The following RAP1A variants were observed in gnomAD, a reference collection of about 807,000 sequenced individuals.
RAP1A encodes ras-related protein Rap-1A.
RAP1A carries 6 observed loss-of-function variants against 26.4 expected under a neutral mutation model. The ratio of observed to expected loss-of-function variants is 0.23; its 90% CI spans 0.12 to 0.45. RAP1A has a LOEUF of 0.45. Ranked by LOEUF, RAP1A falls within the 20% of genes least tolerant of loss-of-function variation. The pLI, the probability that RAP1A is intolerant of heterozygous loss-of-function variation, is 0.99. For missense variants in RAP1A, 121 were observed against 217.2 expected (o/e 0.56, Z 2.78); for synonymous variants, 73 against 79.4 (o/e 0.92, Z 0.43).
intron 1 of RAP1A, among the ~76,000 whole-genome samples, chr1:111,611,847 T>C (rs1411981964): frequency 6.6e-6 from 1 of 152,228 alleles, no homozygotes; most frequent in East Asian, 1.9e-4. Flanking sequence ...TCATGGAACA[T>C]ATTTTTACTA....
At chr1:111,659,637 A>G (rs932139011) in intron 1 of RAP1A, among the ~76,000 whole-genome samples, 18 of 151,968 alleles carry the variant, frequency 1.2e-4, no homozygotes, top group Non-Finnish European at 2.2e-4. Flanking sequence ...TTGGATTAAT[A>G]TATATCTACC....
intron 1 of RAP1A, chr1:111,627,508 G>A (rs1248651984): frequency 6.6e-6 from 1 of 151,884 alleles, no homozygotes; most frequent in Non-Finnish European, 1.5e-5. Context: ...ATCAGAGGGT[G>A]ATTACCCTGT....
chr1:111,544,432 T>C (rs1307965799), intron 1 of RAP1A, among the ~76,000 whole-genome samples: 1 of 152,222 alleles, frequency 6.6e-6, no homozygotes, highest in Non-Finnish European at 1.5e-5. Context: ...ATTTTGGACA[T>C]TTCTATAGAT....
intron 1 of RAP1A, among the ~76,000 whole-genome samples, chr1:111,659,103 C>G (rs914281673): frequency 2.0e-5 from 3 of 152,100 alleles, no homozygotes; most frequent in Non-Finnish European, 4.4e-5. Context: ...TTCTTCATCT[C>G]TTTACTTTTA....
At chr1:111,583,755 T>C (rs1658308695) in intron 1 of RAP1A, among the ~76,000 whole-genome samples, 1 of 152,006 alleles carries the variant, frequency 6.6e-6, no homozygotes, top group Non-Finnish European at 1.5e-5. Context: ...ACATTAACAG[T>C]AGATATTTTG....
At chr1:111,596,457 G>T (rs189624624) in intron 1 of RAP1A, among the ~76,000 whole-genome samples, 2 of 152,344 alleles carry the variant, frequency 1.3e-5, no homozygotes, top group Non-Finnish European at 2.9e-5. Context: ...TATAACGTAA[G>T]AGTCTGTTTT....
At chr1:111,625,318 GTTTTC>G (rs1659361684) in intron 1 of RAP1A, among the ~76,000 whole-genome samples, 1 of 151,276 alleles carries the variant, frequency 6.6e-6, no homozygotes. Flanking sequence ...TTTTTTAACT[GTTTTC>G]TTTTTTTTTT....
intron 1 of RAP1A, among the ~76,000 whole-genome samples, chr1:111,661,327 A>G (rs1322448934): frequency 6.6e-6 from 1 of 152,106 alleles, no homozygotes; most frequent in Non-Finnish European, 1.5e-5. Context: ...TTGGAGGGGG[A>G]AAAGATTGGA....
chr1:111,648,174 A>AGT lies in RAP1A; in HGVS notation c.-28+28269_-28+28270dup, dbSNP rs143658994. On this transcript the variant is annotated intron_variant, in intron 1 of 7. Coordinates refer to ENST00000369709, the MANE Select transcript of RAP1A (RefSeq NM_002884.4). ...GAGCCTCTGCCTCCCAGGTTCAAAC[A>AGT]GTGTGTGTGTGTGTGTGTGTGTGTG... 6.0e-3 allele frequency: 1,389 copies of AGT among 230,764 alleles called. 8 individuals are homozygous for AGT. The highest frequency in any genetic ancestry group is 7.7e-3 in the Non-Finnish European group (927 of 120,218). 14.3% of individuals were successfully genotyped at this position (230,764 alleles called of 1,614,324 possible).
chr1:111,569,816 C>T (rs920826359), intron 1 of RAP1A, among the ~76,000 whole-genome samples: 1 of 152,048 alleles, frequency 6.6e-6, no homozygotes, highest in African/African-American at 2.4e-5. Context: ...TAGAATCTCC[C>T]ACTTTTTAGC....
intron 1 of RAP1A, among the ~76,000 whole-genome samples, chr1:111,591,939 A>G (rs1658480041): frequency 6.6e-6 from 1 of 152,236 alleles, no homozygotes; most frequent in Non-Finnish European, 1.5e-5. Context: ...AGAATTCAGA[A>G]TTCGAAGTTC....
chr1:111,709,173 A>G lies in RAP1A; in HGVS notation c.493A>G (p.Ile165Val). Reference protein sequence around the residue: ...NEIFYDLVRQINRKTPVEKKK... With the variant: ...NEIFYDLVRQVNRKTPVEKKK... ...GATATTTTATGACCTGGTCAGACAG[A>G]TAAATAGGAAAACACCAGTGGAAAA... The change falls in exon 7 of 8, where the codon ATA becomes GTA. Residue 165 changes from isoleucine (I) to valine (V), a missense_variant. Physicochemically the swap from Ile to Val is conservative, Grantham distance 29 (BLOSUM62 3). Coordinates refer to ENST00000369709, the MANE Select transcript of RAP1A (RefSeq NM_002884.4). 6.2e-7 allele frequency: 1 copy of G among 1,613,720 alleles called. No individual in the cohort carries two copies. Among genetic ancestry groups the G allele is most frequent in the South Asian group, 1.1e-5 (1 of 91,018 alleles).
chr1:111,711,638 G>C (rs909349764), intron 7 of RAP1A, among the ~76,000 whole-genome samples: 8 of 152,196 alleles, frequency 5.3e-5, no homozygotes, highest in Non-Finnish European at 2.9e-5. Context: ...ATACATTTTA[G>C]TGTGATTGTA....
intron 3 of RAP1A, 105 bp downstream of exon 3, chr1:111,695,514 A>T (rs1661800466): frequency 1.4e-6 from 1 of 725,234 alleles, no homozygotes; most frequent in African/African-American, 1.9e-5. Flanking sequence ...AAATAATACA[A>T]ATATTGTGCA....
chr1:111,648,198 T>TGTGG, intron 1 of RAP1A: 1 of 317,040 alleles, frequency 3.2e-6, no homozygotes, highest in Non-Finnish European at 5.5e-6. Context: ...TGTGTGTGTG[T>TGTGG]GTGTGTATTT....
At chr1:111,588,683 A>G (rs1249900093) in intron 1 of RAP1A, among the ~76,000 whole-genome samples, 1 of 152,056 alleles carries the variant, frequency 6.6e-6, no homozygotes, top group Non-Finnish European at 1.5e-5. Flanking sequence ...CATCCCTCTC[A>G]AGCATCTTTT....
chr1:111,630,622 G>A (rs1016215544), intron 1 of RAP1A, among the ~76,000 whole-genome samples: 11 of 152,156 alleles, frequency 7.2e-5, no homozygotes, highest in South Asian at 2.1e-4. Flanking sequence ...GGAAAAGCTC[G>A]CTGAGATGGT....
intron 1 of RAP1A, among the ~76,000 whole-genome samples, chr1:111,689,678 C>G (rs1324603525): frequency 1.3e-5 from 2 of 150,926 alleles, no homozygotes; most frequent in African/African-American, 2.4e-5. Context: ...TTTCAGGTCC[C>G]TTTTTTTTTG....
intron 1 of RAP1A, among the ~76,000 whole-genome samples, chr1:111,636,554 G>T (rs2101111812): frequency 6.6e-6 from 1 of 151,712 alleles, no homozygotes; most frequent in African/African-American, 2.4e-5. Context: ...TGTGATCTCG[G>T]CTCACTGCAA....
Sources: allele counts gnomAD v4.1 joint callset (sites outside exome capture counted in the v4.1 genomes callset), GRCh38; gene constraint gnomAD v4.1.1; transcripts MANE v1.5; gene names NCBI Gene and HGNC (gene_info 2026-07-23, HGNC 2026-07-21).